Variants in CRPPA observed in about 807,000 individuals in gnomAD.
The protein encoded by CRPPA is D-ribitol-5-phosphate cytidylyltransferase.
Under a neutral mutation model 52.0 loss-of-function variants are expected in CRPPA, and 43 were observed. That is an observed-to-expected ratio of 0.83 (90% CI 0.65 to 1.07). The LOEUF (loss-of-function observed/expected upper bound fraction) is 1.07, where lower values mean the gene tolerates loss of function less well. Ranked by LOEUF, CRPPA falls within the 50% of genes least tolerant of loss-of-function variation. CRPPA has a pLI of 0.00. For synonymous variants in CRPPA, 250 were observed against 203.5 expected, an observed-to-expected ratio of 1.23 and a Z score of -1.94; for missense variants, 629 against 551.7, an observed-to-expected ratio of 1.14 and a Z score of -1.40.
chr7:16,169,913 A>T (rs1386656024), intron 9 of CRPPA, among the ~76,000 whole-genome samples: 1 of 152,208 alleles, frequency 6.6e-6, no homozygotes, highest in Non-Finnish European at 1.5e-5. Flanking sequence ...ATAATATTAA[A>T]CTATAAATAA....
At chr7:16,406,671 T>G (rs552689656) in intron 1 of CRPPA, among the ~76,000 whole-genome samples, 1 of 152,214 alleles carries the variant, frequency 6.6e-6, no homozygotes. Context: ...AAATAGTCTA[T>G]AGTTGGGATA....
intron 9 of CRPPA, among the ~76,000 whole-genome samples, chr7:16,140,753 TC>T (rs749581247): frequency 4.6e-5 from 7 of 152,222 alleles, no homozygotes; most frequent in Non-Finnish European, 1.0e-4. Context: ...CTCCTGTATA[TC>T]TTTTCCAGTA....
chr7:16,160,854 GTTCTCC>G, intron 9 of CRPPA, among the ~76,000 whole-genome samples: 1 of 152,262 alleles, frequency 6.6e-6, no homozygotes, highest in South Asian at 2.1e-4. Context: ...GTGGCTTGTA[GTTCTCC>G]TTGAAGAGGT....
chr7:16,222,580 A>G (rs1194450061), intron 8 of CRPPA, among the ~76,000 whole-genome samples: 1 of 152,210 alleles, frequency 6.6e-6, no homozygotes, highest in Non-Finnish European at 1.5e-5. Context: ...ATAGAAATAC[A>G]GTATTACATC....
intron 8 of CRPPA, among the ~76,000 whole-genome samples, chr7:16,226,351 A>T (rs975690872): frequency 6.6e-6 from 1 of 151,954 alleles, no homozygotes; most frequent in Non-Finnish European, 1.5e-5. Context: ...AGTGCTTCCA[A>T]TGAAAAACTG....
chr7:16,180,199 C>G (rs1042703152), intron 9 of CRPPA, among the ~76,000 whole-genome samples: 2 of 152,030 alleles, frequency 1.3e-5, no homozygotes, highest in Non-Finnish European at 1.5e-5. Context: ...TTGCCCAATC[C>G]TACTCTGAGA....
chr7:16,227,535 C>A (rs866819962), intron 8 of CRPPA, among the ~76,000 whole-genome samples: 4 of 151,778 alleles, frequency 2.6e-5, no homozygotes, highest in Admixed American at 6.6e-5. Context: ...CCTTTTCAGA[C>A]ACGTCTATTC....
At position 16,214,194 on chromosome 7, in the gene CRPPA, G is replaced by T. The variant is rs182443384; in HGVS notation, c.1251+1872C>A. The stretch of plus-strand genomic sequence containing the variant: ...TCAAGTATGCTCCATGTAACATTTG[G>T]GACATACGCTAAAAATTATTGTTTA... On this transcript the variant is annotated intron_variant, in intron 9 of 9. Coordinates refer to ENST00000407010, the MANE Select transcript of CRPPA (RefSeq NM_001101426.4). 2.1e-4 allele frequency among the ~76,000 whole-genome samples: 32 copies of T among 152,030 alleles called. 1 individual carries two copies. The East Asian group carries it at 6.0e-3, about 29-fold the overall frequency.
At chr7:16,120,459 C>G (rs1782459638) in intron 9 of CRPPA, among the ~76,000 whole-genome samples, 1 of 152,070 alleles carries the variant, frequency 6.6e-6, no homozygotes, top group Non-Finnish European at 1.5e-5. Flanking sequence ...CATCATTGTA[C>G]TATATAGATG....
chr7:16,329,035 C>T (rs898690196), intron 3 of CRPPA, among the ~76,000 whole-genome samples: 1 of 152,110 alleles, frequency 6.6e-6, no homozygotes, highest in Admixed American at 6.5e-5. Context: ...TCCACAATGG[C>T]AAAATTCATG....
intron 3 of CRPPA, among the ~76,000 whole-genome samples, chr7:16,368,318 T>A (rs938851928): frequency 6.6e-6 from 1 of 152,178 alleles, no homozygotes; most frequent in Non-Finnish European, 1.5e-5. Context: ...ATATTTTCCT[T>A]TAGCAAACTC....
intron 3 of CRPPA, among the ~76,000 whole-genome samples, chr7:16,357,370 G>C (rs1006294889): frequency 6.6e-6 from 1 of 152,016 alleles, no homozygotes; most frequent in South Asian, 2.1e-4. Flanking sequence ...GTGGATACAG[G>C]ATTTTACCAT....
At chr7:16,207,341 T>A (rs1781997321) in intron 9 of CRPPA, among the ~76,000 whole-genome samples, 1 of 152,188 alleles carries the variant, frequency 6.6e-6, no homozygotes, top group Non-Finnish European at 1.5e-5. Flanking sequence ...TGTCACTGAC[T>A]TAGAATGTCA....
intron 6 of CRPPA, among the ~76,000 whole-genome samples, chr7:16,274,215 A>T (rs76336099): frequency 1.2e-4 from 18 of 151,848 alleles, no homozygotes; most frequent in African/African-American, 4.4e-4. Flanking sequence ...ACGCCCAGCT[A>T]ATTTTTTGTA....
At chr7:16,166,620 C>A (rs187117192) in intron 9 of CRPPA, among the ~76,000 whole-genome samples, 70 of 152,262 alleles carry the variant, frequency 4.6e-4, no homozygotes, top group African/African-American at 1.6e-3. Context: ...GAAGCACATT[C>A]TTAATTCTCA....
At chr7:16,344,707 A>C (rs1033494454) in intron 3 of CRPPA, among the ~76,000 whole-genome samples, 1 of 152,140 alleles carries the variant, frequency 6.6e-6, no homozygotes, top group African/African-American at 2.4e-5. Context: ...CTGGAGTCAA[A>C]GTACAATGCA....
At chr7:16,365,936 T>A (rs1408704569) in intron 3 of CRPPA, among the ~76,000 whole-genome samples, 3 of 152,142 alleles carry the variant, frequency 2.0e-5, no homozygotes, top group South Asian at 4.1e-4. Flanking sequence ...ACAAAAAACA[T>A]TAAAGCATAT....
intron 3 of CRPPA, among the ~76,000 whole-genome samples, chr7:16,348,700 A>G (rs1465107475): frequency 6.7e-6 from 1 of 150,264 alleles, no homozygotes; most frequent in East Asian, 2.0e-4. Flanking sequence ...CTTCTAGTCC[A>G]CTTGCATCTG....
chr7:16,399,660 A>G (rs955569048), intron 2 of CRPPA, among the ~76,000 whole-genome samples: 4 of 152,052 alleles, frequency 2.6e-5, no homozygotes, highest in African/African-American at 9.7e-5. Context: ...TCAACGTGTG[A>G]CACGTGGCCG....
Sources: gnomAD v4.1 joint callset for allele counts (sites outside exome capture counted in the v4.1 genomes callset) on GRCh38, gnomAD v4.1.1 for gene constraint, MANE v1.5 for transcripts, NCBI Gene and HGNC (gene_info 2026-07-23, HGNC 2026-07-21) for gene names.